LNX1: variants seen among roughly 807,000 people sequenced by gnomAD.
The protein encoded by LNX1 is E3 ubiquitin-protein ligase LNX.
LNX1 carries 54 observed loss-of-function variants against 68.4 expected under a neutral mutation model. The ratio of observed to expected loss-of-function variants is 0.79; its 90% CI spans 0.63 to 0.99. The LOEUF is 0.99. Among genes scored for constraint, LNX1 ranks in the 50% least tolerant of loss-of-function variants. The probability of loss-of-function intolerance (pLI) is 0.00; values close to 1 mark genes in which losing one functional copy is unlikely to be tolerated. For missense variants in LNX1, 906 were observed against 926.4 expected, an observed-to-expected ratio of 0.98 and a Z score of 0.29; for synonymous variants, 336 against 350.0, an observed-to-expected ratio of 0.96 and a Z score of 0.45.
At chr4:53,501,706 C>T (rs1294337054) in intron 4 of LNX1, 3 of 152,166 alleles carry the variant, frequency 2.0e-5, no homozygotes, top group African/African-American at 7.2e-5. Context: ...ATGGATAAAC[C>T]ATGCCAGGAA....
intron 2 of LNX1, among the ~76,000 whole-genome samples, chr4:53,610,729 A>AAAAAG (rs1733455839): frequency 6.6e-6 from 1 of 151,342 alleles, no homozygotes; most frequent in African/African-American, 2.4e-5. Context: ...AAAAAAAAAA[A>AAAAAG]AAAAGAAATA....
intron 9 of LNX1, among the ~76,000 whole-genome samples, chr4:53,474,954 G>T (rs1215894185): frequency 1.3e-5 from 2 of 152,160 alleles, no homozygotes; most frequent in Non-Finnish European, 2.9e-5. Context: ...TTTTAGTAGA[G>T]ATGCGGTTTT....
At chr4:53,579,657 C>T (rs1268318022) in intron 1 of LNX1, among the ~76,000 whole-genome samples, 4 of 152,082 alleles carry the variant, frequency 2.6e-5, no homozygotes, top group African/African-American at 7.2e-5. Flanking sequence ...TAAGAACAGC[C>T]TTTGGAATAC....
chr4:53,565,815 A>G (rs199543447), intron 2 of LNX1, among the ~76,000 whole-genome samples: 29,735 of 151,006 alleles, frequency 0.2, 2,859 homozygotes, highest in Admixed American at 0.24. Flanking sequence ...GAGCTGATGG[A>G]GCTGAAAACC....
chr4:53,504,670 T>C (rs1230800155), intron 4 of LNX1, among the ~76,000 whole-genome samples: 1 of 152,238 alleles, frequency 6.6e-6, no homozygotes, highest in Non-Finnish European at 1.5e-5. Flanking sequence ...AAGGTTCATT[T>C]CTAGTTTTTG....
At chr4:53,490,471 T>C (rs953134006) in intron 6 of LNX1, among the ~76,000 whole-genome samples, 2 of 152,196 alleles carry the variant, frequency 1.3e-5, no homozygotes, top group African/African-American at 4.8e-5. Context: ...GGCTTCTATC[T>C]CCATAAGGAC....
At chr4:53,556,338 G>T (rs1729911476) in intron 2 of LNX1, among the ~76,000 whole-genome samples, 1 of 152,174 alleles carries the variant, frequency 6.6e-6, no homozygotes. Flanking sequence ...TAGGGAGCAT[G>T]ACCTTGCTGA....
chr4:53,559,689 C>A (rs1730144358), intron 2 of LNX1, among the ~76,000 whole-genome samples: 1 of 151,822 alleles, frequency 6.6e-6, no homozygotes, highest in Admixed American at 6.6e-5. Flanking sequence ...GCTCTGTCAC[C>A]CAGGCTGTAG....
intron 6 of LNX1, among the ~76,000 whole-genome samples, chr4:53,483,693 C>T (rs1328556146): frequency 6.6e-6 from 1 of 152,218 alleles, no homozygotes; most frequent in Non-Finnish European, 1.5e-5. Context: ...TGGTTCCTCT[C>T]TTCATCCCAT....
At chr4:53,526,073 A>C (rs1727587431) in intron 2 of LNX1, among the ~76,000 whole-genome samples, 2 of 151,394 alleles carry the variant, frequency 1.3e-5, no homozygotes, top group African/African-American at 4.9e-5. Context: ...CTTAAAGGAA[A>C]AGCATTACAG....
chr4:53,606,618 C>T (rs375529108), intron 2 of LNX1, among the ~76,000 whole-genome samples: 1 of 152,146 alleles, frequency 6.6e-6, no homozygotes, highest in East Asian at 1.9e-4. Context: ...TATTTGGTAT[C>T]ATCCTGATAT....
intron 2 of LNX1, chr4:53,602,913 A>C (rs1469593681): frequency 6.6e-6 from 1 of 152,248 alleles, no homozygotes; most frequent in Non-Finnish European, 1.5e-5. Context: ...TTGCCTTAGC[A>C]CTGACAGTAG....
At chr4:53,616,831 T>C (rs1239507655) in intron 1 of LNX1, among the ~76,000 whole-genome samples, 15 of 152,186 alleles carry the variant, frequency 9.9e-5, no homozygotes, top group African/African-American at 3.6e-4. Context: ...CATAGGTAAA[T>C]GGCAGAGTCT....
chr4:53,581,802 A>G (rs1291361096), intron 1 of LNX1, among the ~76,000 whole-genome samples: 1 of 152,218 alleles, frequency 6.6e-6, no homozygotes, highest in Non-Finnish European at 1.5e-5. Context: ...GCCAAACCAT[A>G]TCACGCATCT....
At chr4:53,490,692 C>A (rs1208567729) in intron 6 of LNX1, among the ~76,000 whole-genome samples, 1 of 152,156 alleles carries the variant, frequency 6.6e-6, no homozygotes, top group Admixed American at 6.5e-5. Context: ...CTTTGTAAGG[C>A]AAATGTGATT....
chr4:53,551,580 C>T (rs1729521245), intron 2 of LNX1, among the ~76,000 whole-genome samples: 1 of 152,166 alleles, frequency 6.6e-6, no homozygotes, highest in Non-Finnish European at 1.5e-5. Context: ...GCTCACCCCC[C>T]AAGTGCCTGA....
At chr4:53,567,868 C>T (rs199766830) in intron 2 of LNX1, among the ~76,000 whole-genome samples, 35,511 of 151,722 alleles carry the variant, frequency 0.23, 5,023 homozygotes, top group Non-Finnish European at 0.32. Flanking sequence ...CTACAAACAC[C>T]TCTATGCAAA....
intron 2 of LNX1, among the ~76,000 whole-genome samples, chr4:53,552,515 T>C (rs1336031974): frequency 6.6e-6 from 1 of 152,176 alleles, no homozygotes; most frequent in Non-Finnish European, 1.5e-5. Context: ...TCTAAGTTTT[T>C]TTCTTGGATT....
chr4:53,611,796 G>C (rs923392075), intron 2 of LNX1, among the ~76,000 whole-genome samples: 38 of 152,076 alleles, frequency 2.5e-4, no homozygotes, highest in African/African-American at 8.9e-4. Context: ...CTCTTACCAA[G>C]AAATCTAGTG....
Sources: allele counts gnomAD v4.1 joint callset (sites outside exome capture counted in the v4.1 genomes callset), GRCh38; gene constraint gnomAD v4.1.1; transcripts MANE v1.5; gene names NCBI Gene and HGNC (gene_info 2026-07-23, HGNC 2026-07-21).